Variants in DBF4 observed in about 807,000 individuals in gnomAD.
DBF4 encodes DBF4-CDC7 kinase regulatory subunit, also known as protein DBF4 homolog A.
In DBF4, 25 loss-of-function variants were observed where a neutral mutation model predicts 76.6. The observed-to-expected ratio is 0.33, with a 90% CI of 0.24 to 0.46. The LOEUF is 0.46. DBF4 is among the 20% of genes least tolerant of loss of function. The pLI, the probability that DBF4 is intolerant of heterozygous loss-of-function variation, is 1.00. For missense variants in DBF4, 638 were observed against 760.8 expected (o/e 0.84, Z 1.90); for synonymous variants, 213 against 258.0 (o/e 0.83, Z 1.67).
chr7:87,897,248 G>T, intron 7 of DBF4, 46 bp from the exon 8 acceptor site: 63 of 1,268,918 alleles, frequency 5.0e-5, no homozygotes, highest in Middle Eastern at 2.1e-4. Flanking sequence ...AAAAAAAAAA[G>T]AATCCTGAAT....
intron 5 of DBF4, 93 bp downstream of exon 5, chr7:87,887,491 G>T: frequency 7.4e-7 from 1 of 1,347,334 alleles, no homozygotes; most frequent in Non-Finnish European, 1.0e-6. Flanking sequence ...AATTTTGATA[G>T]CAGGGATGTC....
intron 2 of DBF4, among the ~76,000 whole-genome samples, chr7:87,879,979 G>A (rs1199750951): frequency 3.4e-5 from 5 of 149,080 alleles, no homozygotes; most frequent in African/African-American, 9.9e-5. Flanking sequence ...GTAGCTCAAA[G>A]TAGCTATCTG....
intron 6 of DBF4, among the ~76,000 whole-genome samples, chr7:87,895,728 G>A (rs1475222100): frequency 2.0e-5 from 3 of 152,054 alleles, no homozygotes; most frequent in Admixed American, 2.0e-4. Flanking sequence ...AGCTTGCAGT[G>A]GCCTCTTTCC....
intron 6 of DBF4, among the ~76,000 whole-genome samples, chr7:87,892,797 C>T (rs138675486): frequency 1.9e-4 from 29 of 152,156 alleles, no homozygotes; most frequent in Admixed American, 5.2e-4. Flanking sequence ...ACTCATTGTC[C>T]TGTGGGGTTA....
chr7:87,905,444 T>C (rs2131078412), intron 11 of DBF4, among the ~76,000 whole-genome samples: 1 of 152,278 alleles, frequency 6.6e-6, no homozygotes, highest in Admixed American at 6.5e-5. Context: ...CACTTGCCCC[T>C]TAGGTCTTTA....
chr7:87,906,786 T>G (rs1839924617), intron 11 of DBF4, among the ~76,000 whole-genome samples: 1 of 152,186 alleles, frequency 6.6e-6, no homozygotes, highest in Non-Finnish European at 1.5e-5. Flanking sequence ...TGTGCATTAA[T>G]GTAAATCAAA....
At chr7:87,886,772 T>A (rs562867154) in intron 3 of DBF4, 72 bp from the exon 4 acceptor site, 7 of 942,898 alleles carry the variant, frequency 7.4e-6, no homozygotes, top group Middle Eastern at 2.1e-4. Context: ...TTCTCTTTTC[T>A]TAGCTGCTTT....
chr7:87,877,576 T>TA (rs1316611054), intron 1 of DBF4, among the ~76,000 whole-genome samples: 1 of 152,234 alleles, frequency 6.6e-6, no homozygotes, highest in Non-Finnish European at 1.5e-5. Flanking sequence ...TAGTTGTTAA[T>TA]ATGCAGACAA....
rs1839972002 is a variant in DBF4, at chr7:87,908,802, ACT to A, written c.*643_*644del. Reference sequence around the variant, plus strand: ...TAACTTTAATAATATTCAAAAGTTGACTCTCCTGTGGCTCATGCCACAGGATC... The same window carrying A: ...TAACTTTAATAATATTCAAAAGTTGACTCCTGTGGCTCATGCCACAGGATC... On this transcript the variant is annotated 3_prime_UTR_variant, in exon 12 of 12. Coordinates refer to ENST00000265728, the MANE Select transcript of DBF4 (RefSeq NM_006716.4). 6.6e-6 allele frequency: 1 copy of A among 151,216 alleles called. No homozygotes were observed. Among genetic ancestry groups the A allele is most frequent in the Non-Finnish European group, 1.5e-5 (1 of 67,912 alleles). The allele number at this position is 151,216 out of a possible 1,614,324, so 9.4% of individuals were successfully genotyped here.
intron 2 of DBF4, among the ~76,000 whole-genome samples, chr7:87,880,596 C>T (rs1390661722): frequency 6.6e-6 from 1 of 152,126 alleles, no homozygotes; most frequent in African/African-American, 2.4e-5. Context: ...TCATAACGAT[C>T]TTCTACATGA....
chr7:87,905,946 G>A (rs1839902840), intron 11 of DBF4, among the ~76,000 whole-genome samples: 1 of 151,692 alleles, frequency 6.6e-6, no homozygotes, highest in South Asian at 2.1e-4. Flanking sequence ...CAGATCACTT[G>A]AGGCCAGGAG....
In DBF4 at chr7:87,898,838, C is replaced by A. The variant is rs117566732; in HGVS notation, c.681-1383C>A. ...AACAAAGTAAGAGGTCTCACACTTT[C>A]TGGTTTTAAAACTTACTGTAATGCT... On this transcript the variant is annotated intron_variant, in intron 8 of 11. Coordinates refer to ENST00000265728, the MANE Select transcript of DBF4 (RefSeq NM_006716.4). Among the ~76,000 whole-genome samples, 371 of 151,188 alleles carry A rather than the reference C, an allele frequency of 2.5e-3. 1 individual carries two copies. Among genetic ancestry groups the A allele is most frequent in the Non-Finnish European group, 4.2e-3 (287 of 67,794 alleles).
intron 11 of DBF4, among the ~76,000 whole-genome samples, chr7:87,906,210 C>G (rs1308500509): frequency 6.6e-6 from 1 of 151,940 alleles, no homozygotes; most frequent in African/African-American, 2.4e-5. Context: ...ACTTATAATT[C>G]CCTAAAAACT....
chr7:87,893,060 G>T (rs1487258519), intron 6 of DBF4, among the ~76,000 whole-genome samples: 4 of 152,052 alleles, frequency 2.6e-5, no homozygotes, highest in Non-Finnish European at 5.9e-5. Context: ...CGTTGCTCAT[G>T]TTTTCTGTAT....
chr7:87,878,030 C>G (rs781598406), intron 1 of DBF4, 23 bp from the exon 2 acceptor site: 18 of 1,535,650 alleles, frequency 1.2e-5, no homozygotes, highest in Non-Finnish European at 1.5e-5. Context: ...TGTAAAACAT[C>G]TGATTCTAAA....
intron 2 of DBF4, among the ~76,000 whole-genome samples, chr7:87,884,365 GAAAC>G (rs1839292388): frequency 6.6e-6 from 1 of 152,236 alleles, no homozygotes; most frequent in East Asian, 1.9e-4. Flanking sequence ...CATCTCTTAA[GAAAC>G]AAAAAATTCA....
In DBF4 at chr7:87,900,927, T is replaced by C. The variant is rs1318820611; in HGVS notation, c.924+49T>C. The stretch of plus-strand genomic sequence containing the variant: ...GGGCTTGTTTCGAAAACTGTAATAC[T>C]TGTGTTTTAAATTTTAGCTTGTTAT... On this transcript the variant is annotated intron_variant, in intron 10 of 11. Coordinates refer to ENST00000265728, the MANE Select transcript of DBF4 (RefSeq NM_006716.4). The C allele has an allele frequency of 4.2e-6, 6 of 1,442,378 alleles. No individual in the cohort carries two copies. The Admixed American group carries it at 7.3e-5, about 18-fold the overall frequency. 89.3% of individuals were successfully genotyped at this position (1,442,378 alleles called of 1,614,324 possible). A position where few individuals can be genotyped will look rare whatever the true frequency, so the allele number is the denominator to read the frequency against.
chr7:87,903,689 C>CTTTTTTTTT (rs56740998), intron 10 of DBF4, among the ~76,000 whole-genome samples: 3 of 98,106 alleles, frequency 3.1e-5, no homozygotes, highest in Non-Finnish European at 5.9e-5. Flanking sequence ...CTCTGTATCC[C>CTTTTTTTTT]TTTTTTTTTT....
At chr7:87,900,949 T>C in intron 10 of DBF4, 71 bp downstream of exon 10, 1 of 1,240,320 alleles carries the variant, frequency 8.1e-7, no homozygotes, top group Non-Finnish European at 1.2e-6. Flanking sequence ...TTTTAGCTTG[T>C]TATTCTGATG....
Sources: gnomAD v4.1 joint callset for allele counts (sites outside exome capture counted in the v4.1 genomes callset) on GRCh38, gnomAD v4.1.1 for gene constraint, MANE v1.5 for transcripts, NCBI Gene and HGNC (gene_info 2026-07-23, HGNC 2026-07-21) for gene names.